NINJ2: variants seen among roughly 807,000 people sequenced by gnomAD.
The protein encoded by NINJ2 is ninjurin-2.
NINJ2 carries 12 observed loss-of-function variants against 11.7 expected under a neutral mutation model. That is an observed-to-expected ratio of 1.02 (90% CI 0.66 to 1.66). NINJ2 has a LOEUF of 1.66. Ranked by LOEUF, NINJ2 falls within the 40% of genes most tolerant of loss-of-function variation. The probability of loss-of-function intolerance (pLI) is 0.00; values close to 1 mark genes in which losing one functional copy is unlikely to be tolerated. For synonymous variants in NINJ2, 93 were observed against 76.8 expected (o/e 1.21, Z -1.10); for missense variants, 187 against 181.8 (o/e 1.03, Z -0.16).
chr12:640,687 GTCTCT>G lies in NINJ2; in HGVS notation c.33+22636_33+22640del, dbSNP rs1174963986. ...TATCTGTATTTTTAGTAGAGACCCTGTCTCTTCACTATGTCGTCCAGGCTGGTCTT... is the reference window on the plus strand; with the variant it reads ...TATCTGTATTTTTAGTAGAGACCCTGTCACTATGTCGTCCAGGCTGGTCTT... On this transcript the variant is annotated intron_variant, in intron 1 of 3. Coordinates refer to ENST00000305108, the MANE Select transcript of NINJ2 (RefSeq NM_016533.6). This position sits in a 1 kb window ranked among gnomAD's most constrained non-coding sequence, Gnocchi z 4.0. Among the ~76,000 whole-genome samples the G allele has an allele frequency of 6.6e-6, 1 of 152,122 alleles. No homozygotes were observed.
intron 1 of NINJ2, among the ~76,000 whole-genome samples, chr12:648,988 A>ATCTGTCTATCTG (rs10648707): frequency 1.9e-4 from 28 of 150,052 alleles, no homozygotes; most frequent in Middle Eastern, 6.8e-3. Context: ...CTATCTATCT[A>ATCTGTCTATCTG]TCTATCTGTC....
chr12:639,925 T>C (rs1948399642), intron 1 of NINJ2, among the ~76,000 whole-genome samples: 1 of 152,194 alleles, frequency 6.6e-6, no homozygotes, highest in Non-Finnish European at 1.5e-5. Flanking sequence ...TCTTGGCTCT[T>C]CAAAGGCCGA....
intron 1 of NINJ2, among the ~76,000 whole-genome samples, chr12:629,244 T>C (rs538428483): frequency 6.6e-5 from 10 of 152,216 alleles, no homozygotes; most frequent in Admixed American, 5.2e-4. Context: ...CATTATTATC[T>C]TCATTTTACA....
intron 1 of NINJ2, among the ~76,000 whole-genome samples, chr12:599,358 C>T (rs1451895849): frequency 6.6e-6 from 1 of 152,102 alleles, no homozygotes; most frequent in Non-Finnish European, 1.5e-5. Context: ...CACTACAAGA[C>T]AGAGACTTCA....
rs1413458875 is a variant in NINJ2 at position 628,150 on chromosome 12, C to G, written c.33+35178G>C. ...CCTGCAGGATCCCTGCACCGCTTTA[C>G]TGGATCCCCAGGTTGAGCTGAGATG... is the stretch of plus-strand genomic sequence containing the variant. On this transcript the variant is annotated intron_variant, in intron 1 of 3. Coordinates refer to ENST00000305108, the MANE Select transcript of NINJ2 (RefSeq NM_016533.6). The surrounding 1 kb of genome is among the most constrained non-coding windows in gnomAD (Gnocchi z 4.4). 6.6e-6 allele frequency among the ~76,000 whole-genome samples: 1 copy of G among 152,236 alleles called. No individual in the cohort carries two copies. The highest frequency in any genetic ancestry group is 1.5e-5 in the Non-Finnish European group (1 of 68,040).
rs771634832 is a variant in NINJ2 at position 610,402 on chromosome 12, CA to C, written c.34-44225del. On this transcript the variant is annotated intron_variant, in intron 1 of 3. Transcript: ENST00000305108. ...GACTTGGAACTGAAGCCTCTTGCCC[CA>C]CCAAGCAATTACTGGAGAACAGGAA... 4 of 1,535,548 alleles carry C rather than the reference CA, an allele frequency of 2.6e-6. No homozygotes were observed. In the Middle Eastern group the frequency reaches 6.7e-4, roughly 257 times the overall value.
At chr12:643,486 C>T (rs1378829421) in intron 1 of NINJ2, 2 of 988,148 alleles carry the variant, frequency 2.0e-6, no homozygotes, top group African/African-American at 1.7e-5. Flanking sequence ...GATTCGGGAA[C>T]ACGGCTTTGT....
At chr12:606,471 A>G (rs190305798) in intron 1 of NINJ2, among the ~76,000 whole-genome samples, 1 of 152,266 alleles carries the variant, frequency 6.6e-6, no homozygotes, top group African/African-American at 2.4e-5. Context: ...TTTTTTCTAG[A>G]GCAGAAAACA....
chr12:641,576 C>A (rs1250466345), intron 1 of NINJ2, among the ~76,000 whole-genome samples: 1 of 152,094 alleles, frequency 6.6e-6, no homozygotes, highest in Admixed American at 6.5e-5. Context: ...CGCGGTGGCT[C>A]ACACTTGTAA....
At chr12:638,821 C>T (rs369247425) in intron 1 of NINJ2, among the ~76,000 whole-genome samples, 10 of 152,222 alleles carry the variant, frequency 6.6e-5, no homozygotes, top group African/African-American at 2.2e-4. Flanking sequence ...ACAAACCTCT[C>T]GGGAACCATG....
chr12:638,697 G>C (rs1477157268), intron 1 of NINJ2, among the ~76,000 whole-genome samples: 1 of 152,220 alleles, frequency 6.6e-6, no homozygotes, highest in Non-Finnish European at 1.5e-5. Flanking sequence ...TTACAGGCGT[G>C]AGCCACCGCG....
intron 1 of NINJ2, among the ~76,000 whole-genome samples, chr12:574,553 A>AC (rs397691656): frequency 2.7e-5 from 4 of 150,562 alleles, no homozygotes; most frequent in Admixed American, 2.0e-4. Context: ...AAAAAAAAAA[A>AC]GGTGAGCTTG....
intron 1 of NINJ2, among the ~76,000 whole-genome samples, chr12:623,691 TG>T (rs890537141): frequency 1.3e-5 from 2 of 152,168 alleles, no homozygotes; most frequent in Non-Finnish European, 2.9e-5. Context: ...TGCCACAATT[TG>T]CACCAGGCAA....
At chr12:644,160 A>T (rs1937637461) in intron 1 of NINJ2, 1 of 154,768 alleles carries the variant, frequency 6.5e-6, no homozygotes. Flanking sequence ...CGTCACCTTA[A>T]TACTGGCCAT....
At chr12:629,626 G>A (rs1254248213) in intron 1 of NINJ2, among the ~76,000 whole-genome samples, 4 of 151,790 alleles carry the variant, frequency 2.6e-5, no homozygotes, top group African/African-American at 9.7e-5. Context: ...GGTGGCTCAC[G>A]CCTGTAATCC....
intron 1 of NINJ2, among the ~76,000 whole-genome samples, chr12:662,124 C>T (rs1937965708): frequency 1.3e-5 from 2 of 152,300 alleles, no homozygotes; most frequent in South Asian, 4.1e-4. Flanking sequence ...GGGGAAGTAA[C>T]ATTTGAGCTG....
chr12:583,371 C>T (rs1005068134), intron 1 of NINJ2, among the ~76,000 whole-genome samples: 3 of 152,376 alleles, frequency 2.0e-5, no homozygotes, highest in Non-Finnish European at 4.4e-5. Context: ...TGCCTTCACC[C>T]TCTTTCTAAA....
chr12:654,537 A>G (rs1937844381), intron 1 of NINJ2, among the ~76,000 whole-genome samples: 1 of 151,894 alleles, frequency 6.6e-6, no homozygotes, highest in African/African-American at 2.4e-5. Context: ...AAAAAAAAAA[A>G]AAGAATTATA....
At chr12:636,072 G>A (rs1441612156) in intron 1 of NINJ2, among the ~76,000 whole-genome samples, 2 of 151,078 alleles carry the variant, frequency 1.3e-5, no homozygotes, top group African/African-American at 2.4e-5. Context: ...GCGAGACTCT[G>A]TATAAAAATA....
Sources: gnomAD v4.1 joint callset for allele counts (sites outside exome capture counted in the v4.1 genomes callset) on GRCh38, gnomAD v4.1.1 for gene constraint, Gnocchi (gnomAD v3.1) non-coding constraint, MANE v1.5 for transcripts, NCBI Gene and HGNC (gene_info 2026-07-23, HGNC 2026-07-21) for gene names.